The following ECM2 variants were observed in gnomAD, a reference collection of about 807,000 sequenced individuals.
ECM2 encodes extracellular matrix protein 2, female organ and adipocyte specific.
A neutral mutation model predicts 67.5 loss-of-function variants in ECM2; 57 were observed. The ratio of observed to expected loss-of-function variants is 0.84; its 90% CI spans 0.68 to 1.05. The LOEUF (loss-of-function observed/expected upper bound fraction) is 1.05, where lower values mean the gene tolerates loss of function less well. ECM2 is among the 50% of genes least tolerant of loss of function. The pLI is 0.00. For missense variants in ECM2, 741 were observed against 822.8 expected (o/e 0.90, Z 1.22); for synonymous variants, 258 against 294.5 (o/e 0.88, Z 1.27).
At chr9:92,532,013 A>ATTTTTTTTTTTTT (rs1368397928) in intron 1 of ECM2, among the ~76,000 whole-genome samples, 1 of 68,948 alleles carries the variant, frequency 1.5e-5, no homozygotes, top group Non-Finnish European at 2.7e-5. Context: ...TTTTTATTTA[A>ATTTTTTTTTTTTT]TGTTTTTTTT....
chr9:92,548,030 C>T, the ECM2 span, among the ~76,000 whole-genome samples: 1 of 152,098 alleles, frequency 6.6e-6, no homozygotes, highest in African/African-American at 2.4e-5. Context: ...TGTAAAAAAT[C>T]CAAAAGAATT....
intron 1 of ECM2, among the ~76,000 whole-genome samples, chr9:92,530,764 G>A (rs1848703336): frequency 6.6e-6 from 1 of 152,050 alleles, no homozygotes; most frequent in South Asian, 2.1e-4. Flanking sequence ...AGTATATTAT[G>A]TGGTACTGAA....
chr9:92,533,303 CAAAAAAAAAAAAAAA>C (rs1174584000), intron 1 of ECM2, among the ~76,000 whole-genome samples: 1 of 29,886 alleles, frequency 3.3e-5, no homozygotes, highest in African/African-American at 1.4e-4. Context: ...CGGTCTCAAA[CAAAAAAAAAAAAAAA>C]AAAAAAAAAA....
At chr9:92,514,232 G>C (rs1463105215) in intron 4 of ECM2, among the ~76,000 whole-genome samples, 1 of 150,400 alleles carries the variant, frequency 6.6e-6, no homozygotes, top group Non-Finnish European at 1.5e-5. Flanking sequence ...GAGTAGCTGG[G>C]ACTACAAGTG....
rs1847590063 is a variant in ECM2, at chr9:92,514,840, C to T, written c.845G>A (p.Gly282Asp). The change falls in exon 4 of 10, where the codon GGT (glycine) becomes GAT (aspartate). Residue 282 changes from glycine to aspartate, a missense_variant. By Grantham distance (94) the Gly-to-Asp change is moderately conservative (BLOSUM62 -1). Transcript: ENST00000344604. ...EEDEEEEGEE[G>D]EEDEEDEEDP... ...CTCCTCGTCCTCCTCATCCTCCTCA[C>T]CCTCCTCACCCTCCTCCTCCTCATC... 1 of 1,611,510 alleles carries T rather than the reference C, an allele frequency of 6.2e-7. No homozygotes were observed. The highest frequency in any genetic ancestry group is 8.5e-7 in the Non-Finnish European group (1 of 1,178,832).
chr9:92,497,874 T>TAA (rs71362393), intron 9 of ECM2, among the ~76,000 whole-genome samples: 1 of 134,882 alleles, frequency 7.4e-6, no homozygotes, highest in Non-Finnish European at 1.6e-5. Flanking sequence ...GCTGGTTGTT[T>TAA]AAAAAAAAAA....
chr9:92,502,389 T>C, intron 8 of ECM2, 124 bp downstream of exon 8: 1 of 1,227,580 alleles, frequency 8.1e-7, no homozygotes. Flanking sequence ...GAAACGATTC[T>C]GTCTCCGAGC....
chr9:92,494,265 C>T, downstream of ECM2: 3 of 959,304 alleles, frequency 3.1e-6, no homozygotes, highest in Non-Finnish European at 4.5e-6. Flanking sequence ...CCCTTTAATA[C>T]TAATTTTGTT....
chr9:92,533,434 C>T (rs1848983136), intron 1 of ECM2, among the ~76,000 whole-genome samples: 1 of 145,590 alleles, frequency 6.9e-6, no homozygotes, highest in South Asian at 2.3e-4. Context: ...GTTTGTTTCT[C>T]TCTGTCCTCC....
Position 92,505,564 on chromosome 9 carries a change from A to T in ECM2, c.1433T>A (p.Ile478Asn). Residue 478 changes from isoleucine (I) to asparagine (N), a missense_variant, in exon 7 of 10, where the codon ATT becomes AAT. Transcript: ENST00000344604. ...AGAACCAGGAAGACCCTGCGGTATAATTCTAAATTTATTTTTTCCCAGACG... is the reference window on the plus strand; with the variant it reads ...AGAACCAGGAAGACCCTGCGGTATATTTCTAAATTTATTTTTTCCCAGACG... ...YLRLGKNKFRIIPQGLPGSIE... is the reference protein window; with the variant it reads ...YLRLGKNKFRNIPQGLPGSIE... 1.2e-6 allele frequency: 2 copies of T among 1,606,000 alleles called. No homozygotes were observed. The highest frequency in any genetic ancestry group is 1.7e-6 in the Non-Finnish European group (2 of 1,178,118).
chr9:92,530,325 G>A (rs1481938537), intron 1 of ECM2, among the ~76,000 whole-genome samples: 2 of 152,124 alleles, frequency 1.3e-5, no homozygotes, highest in African/African-American at 4.8e-5. Flanking sequence ...TATCCATGGT[G>A]TGAGATTTTG....
At position 92,500,732 on chromosome 9, in the gene ECM2, C is replaced by CTTG; in HGVS notation, c.1923_1925dup (p.Asn641dup). ...TTGAAAAAGCCAAAATTTACCGTAT[C>CTTG]TTGTTGTTGTTCAGCCTCAGAAAAT... On this transcript the variant is annotated inframe_insertion, in exon 9 of 10. Coordinates refer to ENST00000344604, the MANE Select transcript of ECM2 (RefSeq NM_001393.4). 6.2e-7 allele frequency: 1 copy of CTTG among 1,608,066 alleles called. No individual in the cohort carries two copies. Among genetic ancestry groups the CTTG allele is most frequent in the East Asian group, 2.2e-5 (1 of 44,760 alleles).
rs1473692439 is a variant in ECM2, at chr9:92,500,812, C to A, written c.1846G>T (p.Asp616Tyr). The stretch of plus-strand genomic sequence containing the variant: ...GGTATAGATTTTAAGTCATTGTGAT[C>A]CAGAAATAATTCTCTCAGAGAATGA... ...AYHSLRELFL[D>Y]HNDLKSIPPG... Residue 616 changes from aspartate to tyrosine, a missense_variant, in exon 9 of 10, where the codon GAT (aspartate) becomes TAT (tyrosine). Coordinates refer to ENST00000344604, the MANE Select transcript of ECM2 (RefSeq NM_001393.4). 2 of 1,614,114 alleles carry A rather than the reference C, an allele frequency of 1.2e-6. No homozygotes were observed.
chr9:92,514,219 C>T, intron 4 of ECM2, among the ~76,000 whole-genome samples: 1 of 150,926 alleles, frequency 6.6e-6, no homozygotes. Flanking sequence ...ACCTCAGCCT[C>T]CTGAGTAGCT....
intron 1 of ECM2, among the ~76,000 whole-genome samples, chr9:92,534,602 A>T (rs1343421796): frequency 6.6e-6 from 1 of 152,198 alleles, no homozygotes; most frequent in Admixed American, 6.5e-5. Context: ...GTTTTAGAAA[A>T]ATTAACATGC....
rs781541597 is a variant in ECM2 at position 92,515,221 on chromosome 9, A to T, written c.482-18T>A. On this transcript the variant is annotated intron_variant, in intron 3 of 9. Transcript: ENST00000344604. ...ATAGGAGACTAATGACCACGCAAGG[A>T]TGAGGTAGCAGAGATAAGTTGATGA... 4 of 1,531,430 alleles carry T rather than the reference A, an allele frequency of 2.6e-6. No individual in the cohort carries two copies. The East Asian group carries it at 6.8e-5, about 26-fold the overall frequency. The allele number at this position is 1,531,430 out of a possible 1,614,324, so 94.9% of individuals were successfully genotyped here.
intron 1 of ECM2, among the ~76,000 whole-genome samples, chr9:92,532,029 A>ATTTTTTTTTTTTTTTTTTTTTTTTTTTTT (rs201461115): frequency 3.3e-5 from 3 of 91,048 alleles, no homozygotes; most frequent in African/African-American, 1.0e-4. Context: ...TTTTTTTTTT[A>ATTTTTTTTTTTTTTTTTTTTTTTTTTTTT]TTTTATTTTT....
intron 9 of ECM2, 54 bp from the exon 10 acceptor site, chr9:92,496,537 T>C: frequency 6.4e-7 from 1 of 1,567,250 alleles, no homozygotes; most frequent in Non-Finnish European, 8.6e-7. Context: ...AATCTGCCTT[T>C]AGGAGTTAAG....
At chr9:92,514,600 A>G in intron 4 of ECM2, 31 bp downstream of exon 4, 2 of 1,534,638 alleles carry the variant, frequency 1.3e-6, no homozygotes, top group South Asian at 2.6e-5. Context: ...CTTTTAAAGC[A>G]CAAAATAAAG....
Sources: allele counts gnomAD v4.1 joint callset (sites outside exome capture counted in the v4.1 genomes callset), GRCh38; gene constraint gnomAD v4.1.1; transcripts MANE v1.5; gene names NCBI Gene and HGNC (gene_info 2026-07-23, HGNC 2026-07-21).